The following RRP15 variants were observed in gnomAD, a reference collection of about 807,000 sequenced individuals.
RRP15 encodes the protein RRP15-like protein.
A neutral mutation model predicts 27.1 loss-of-function variants in RRP15; 18 were observed. That is an observed-to-expected ratio of 0.66 (90% CI 0.46 to 0.98). RRP15 has a LOEUF of 0.98. Ranked by LOEUF, RRP15 falls within the 50% of genes least tolerant of loss-of-function variation. The pLI, the probability that RRP15 is intolerant of heterozygous loss-of-function variation, is 0.00. For missense variants in RRP15, 359 were observed against 337.8 expected (o/e 1.06, Z -0.49); for synonymous variants, 107 against 109.4 (o/e 0.98, Z 0.14).
intron 4 of RRP15, among the ~76,000 whole-genome samples, chr1:218,321,437 G>A (rs907543107): frequency 6.6e-6 from 1 of 152,164 alleles, no homozygotes; most frequent in African/African-American, 2.4e-5. Flanking sequence ...TATACTTTAC[G>A]ATTTATATTA....
chr1:218,333,182 A>G lies in RRP15; in HGVS notation c.*2091A>G, dbSNP rs1406402749. The G allele has an allele frequency of 6.6e-6, 1 of 151,702 alleles. No individual in the cohort carries two copies. The highest frequency in any genetic ancestry group is 1.5e-5 in the Non-Finnish European group (1 of 68,012). The allele number at this position is 151,702 out of a possible 1,614,324, so 9.4% of individuals were successfully genotyped here. ...AAAGAAAAATTGAGTTGCCACTATC[A>G]GGAAAAAAAAAATGTATCACTTCTG... On this transcript the variant is annotated 3_prime_UTR_variant, in exon 5 of 5. Transcript: ENST00000366932.
chr1:218,287,883 T>C lies in RRP15; in HGVS notation c.139+2428T>C, dbSNP rs577427530. ...AATAAATGTATAAGGTGGCATTCTA[T>C]CTAGGCTTTAGAAGGATGAATAGTT... is the stretch of plus-strand genomic sequence containing the variant. On this transcript the variant is annotated intron_variant, in intron 1 of 4. Coordinates refer to ENST00000366932, the MANE Select transcript of RRP15 (RefSeq NM_016052.4). Among the ~76,000 whole-genome samples, 14 of 152,332 alleles carry C rather than the reference T, an allele frequency of 9.2e-5. No individual in the cohort carries two copies. In the East Asian group the frequency reaches 2.7e-3, roughly 29 times the overall value.
intron 4 of RRP15, among the ~76,000 whole-genome samples, chr1:218,326,154 A>C (rs947141898): frequency 1.1e-4 from 16 of 152,106 alleles, no homozygotes; most frequent in African/African-American, 3.9e-4. Flanking sequence ...AAAATACAAA[A>C]AATTAGCTGG....
intron 3 of RRP15, among the ~76,000 whole-genome samples, chr1:218,306,688 G>T (rs1451025953): frequency 6.6e-6 from 1 of 152,174 alleles, no homozygotes; most frequent in Non-Finnish European, 1.5e-5. Context: ...ACATTCATTT[G>T]TAATTTAATA....
At position 218,302,614 on chromosome 1, in the gene RRP15, T is replaced by C. The variant is rs186803463; in HGVS notation, c.405+55T>C. The stretch of plus-strand genomic sequence containing the variant: ...GATTGTTTGTCTAGGCTAGCTCTTA[T>C]CTTGACCGAACTGTTTCTTGCAGTG... On this transcript the variant is annotated intron_variant, in intron 2 of 4. Transcript: ENST00000366932. 5,561 of 1,564,800 alleles carry C rather than the reference T, an allele frequency of 3.6e-3. 19 individuals carry two copies. The highest frequency in any genetic ancestry group is 6.4e-3 in the Middle Eastern group (29 of 4,514).
intron 1 of RRP15, among the ~76,000 whole-genome samples, chr1:218,286,550 A>G (rs1404473026): frequency 6.6e-6 from 1 of 151,954 alleles, no homozygotes; most frequent in Non-Finnish European, 1.5e-5. Flanking sequence ...TTTTTGACTT[A>G]TTGCCCTGCT....
At chr1:218,302,702 A>G in intron 2 of RRP15, 143 bp downstream of exon 2, 1 of 1,300,354 alleles carries the variant, frequency 7.7e-7, no homozygotes, top group South Asian at 1.5e-5. Context: ...AACTAAGGTT[A>G]TGTTTAGGAA....
At chr1:218,310,324 G>T (rs544907218) in intron 4 of RRP15, among the ~76,000 whole-genome samples, 1 of 151,630 alleles carries the variant, frequency 6.6e-6, no homozygotes. Context: ...AAAATTGGAG[G>T]CCACCCACAT....
intron 1 of RRP15, among the ~76,000 whole-genome samples, chr1:218,287,976 C>G (rs1394193698): frequency 1.3e-5 from 2 of 152,184 alleles, no homozygotes; most frequent in African/African-American, 2.4e-5. Flanking sequence ...CATGCGGTCT[C>G]TTAAAATTCA....
At chr1:218,310,352 G>A (rs1377824172) in intron 4 of RRP15, among the ~76,000 whole-genome samples, 5 of 152,140 alleles carry the variant, frequency 3.3e-5, no homozygotes, top group Non-Finnish European at 5.9e-5. Context: ...AGATTTCACT[G>A]GCAGCCATCT....
Position 218,336,159 on chromosome 1 carries a change from T to C in RRP15, c.*5068T>C, listed in dbSNP as rs1372311674. 1 of 152,148 alleles carries C rather than the reference T, an allele frequency of 6.6e-6. No homozygotes were observed. Among genetic ancestry groups the C allele is most frequent in the Admixed American group, 6.6e-5 (1 of 15,266 alleles). 9.4% of individuals were successfully genotyped at this position (152,148 alleles called of 1,614,324 possible). A position where few individuals can be genotyped will look rare whatever the true frequency, so the allele number is the denominator to read the frequency against. ...AGGTTTCCTAAGTAAGTGTATTTAG[T>C]TGTAGGACCTTAGAGTTGCCTAGGT... On this transcript the variant is annotated 3_prime_UTR_variant, in exon 5 of 5. Coordinates refer to ENST00000366932, the MANE Select transcript of RRP15 (RefSeq NM_016052.4).
At chr1:218,298,302 A>G (rs6675877) in intron 1 of RRP15, among the ~76,000 whole-genome samples, 7,586 of 152,290 alleles carry the variant, frequency 0.05, 642 homozygotes, top group African/African-American at 0.17. Flanking sequence ...AAGCCATCCC[A>G]GATATCTCTG....
chr1:218,299,985 C>G (rs1025182900), intron 1 of RRP15, among the ~76,000 whole-genome samples: 2 of 151,756 alleles, frequency 1.3e-5, no homozygotes, highest in African/African-American at 4.8e-5. Context: ...AATTTAGATA[C>G]CTTTTTTTTT....
chr1:218,309,312 TAAA>T (rs1382865318), intron 4 of RRP15, among the ~76,000 whole-genome samples: 1 of 152,236 alleles, frequency 6.6e-6, no homozygotes, highest in East Asian at 1.9e-4. Context: ...GACTCCTTTT[TAAA>T]AATTTTGCTT....
intron 4 of RRP15, among the ~76,000 whole-genome samples, chr1:218,317,335 C>T (rs767410839): frequency 1.2e-4 from 19 of 152,212 alleles, no homozygotes; most frequent in Non-Finnish European, 2.2e-4. Context: ...TCTTCCTTCT[C>T]TCACCCAGAT....
At chr1:218,292,992 T>C (rs1042198782) in intron 1 of RRP15, among the ~76,000 whole-genome samples, 2 of 152,052 alleles carry the variant, frequency 1.3e-5, no homozygotes, top group South Asian at 2.1e-4. Context: ...TAAAGGATCA[T>C]ATATTTTACT....
At chr1:218,315,782 G>T (rs1401608803) in intron 4 of RRP15, among the ~76,000 whole-genome samples, 4 of 151,934 alleles carry the variant, frequency 2.6e-5, no homozygotes, top group African/African-American at 9.7e-5. Flanking sequence ...ATCAAGTTGG[G>T]GTGTGGAAGG....
chr1:218,320,047 C>CTTTTTTTTTTTTTTT (rs140693389), intron 4 of RRP15, among the ~76,000 whole-genome samples: 1 of 139,290 alleles, frequency 7.2e-6, no homozygotes, highest in African/African-American at 2.7e-5. Context: ...TGTTTTATTT[C>CTTTTTTTTTTTTTTT]TTTTTTTTTC....
intron 4 of RRP15, among the ~76,000 whole-genome samples, chr1:218,310,346 T>G (rs1655973296): frequency 7.0e-6 from 1 of 142,674 alleles, no homozygotes; most frequent in Non-Finnish European, 1.5e-5. Flanking sequence ...TAAACTAGAT[T>G]TCACTGGCAG....
Sources: allele counts gnomAD v4.1 joint callset (sites outside exome capture counted in the v4.1 genomes callset), GRCh38; gene constraint gnomAD v4.1.1; transcripts MANE v1.5; gene names NCBI Gene and HGNC (gene_info 2026-07-23, HGNC 2026-07-21).